Variants in CREB5 observed in about 807,000 individuals in gnomAD.
CREB5 encodes the protein cAMP responsive element binding protein 5.
In CREB5, 19 loss-of-function variants were observed where a neutral mutation model predicts 57.1. The observed-to-expected ratio is 0.33, with a 90% CI of 0.23 to 0.49. The LOEUF (loss-of-function observed/expected upper bound fraction) is 0.49, where lower values mean the gene tolerates loss of function less well. Ranked by LOEUF, CREB5 falls within the 20% of genes least tolerant of loss-of-function variation. CREB5 has a pLI of 0.99. For missense variants in CREB5, 579 were observed against 671.6 expected, an observed-to-expected ratio of 0.86 and a Z score of 1.52; for synonymous variants, 238 against 238.3, an observed-to-expected ratio of 1.00 and a Z score of 0.01.
chr7:28,719,511 A>C (rs1802894592), intron 6 of CREB5, among the ~76,000 whole-genome samples: 1 of 152,342 alleles, frequency 6.6e-6, no homozygotes, highest in Non-Finnish European at 1.5e-5. Context: ...TTTTGAACCC[A>C]GGAATTCTGG....
At chr7:28,584,762 T>C (rs1796247911) in intron 5 of CREB5, among the ~76,000 whole-genome samples, 1 of 150,442 alleles carries the variant, frequency 6.6e-6, no homozygotes, top group African/African-American at 2.4e-5. Flanking sequence ...CTATCTGCTT[T>C]GCCAACGGAA....
chr7:28,801,802 C>T (rs529323459), intron 7 of CREB5, among the ~76,000 whole-genome samples: 1 of 152,106 alleles, frequency 6.6e-6, no homozygotes, highest in African/African-American at 2.4e-5. Context: ...TAGAAGTAAA[C>T]ATGGCCGGGT....
At chr7:28,540,387 T>C in intron 4 of CREB5, among the ~76,000 whole-genome samples, 1 of 152,004 alleles carries the variant, frequency 6.6e-6, no homozygotes, top group East Asian at 1.9e-4. Flanking sequence ...AAGTTTTGAG[T>C]TAGATTGAGG....
At chr7:28,312,690 A>G (rs1364058698) in intron 1 of CREB5, among the ~76,000 whole-genome samples, 2 of 152,204 alleles carry the variant, frequency 1.3e-5, no homozygotes, top group Non-Finnish European at 1.5e-5. Flanking sequence ...TTAACGTGAA[A>G]GTGCCTGGTA....
At chr7:28,737,222 A>G (rs1335340439) in intron 7 of CREB5, among the ~76,000 whole-genome samples, 1 of 152,140 alleles carries the variant, frequency 6.6e-6, no homozygotes, top group Admixed American at 6.5e-5. Flanking sequence ...TACCTTTCAC[A>G]TAGACAGTAG....
intron 5 of CREB5, among the ~76,000 whole-genome samples, chr7:28,598,941 A>C (rs1213454538): frequency 6.6e-6 from 1 of 152,242 alleles, no homozygotes; most frequent in Admixed American, 6.5e-5. Flanking sequence ...GACTTGCAAC[A>C]GGCAAAATGA....
chr7:28,536,701 G>A (rs1399059436), intron 4 of CREB5, among the ~76,000 whole-genome samples: 1 of 152,162 alleles, frequency 6.6e-6, no homozygotes, highest in Non-Finnish European at 1.5e-5. Flanking sequence ...CTGAACATGG[G>A]TGTGGAACAT....
In CREB5 at chr7:28,318,244, A is replaced by G. The variant is rs1410128611; in HGVS notation, c.-25+18803A>G. On this transcript the variant is annotated intron_variant, in intron 1 of 9. Coordinates refer to the CREB5 transcript ENST00000396299. ...ATTCCCTCAGTTCAGATTACCACAGAGGGCTGTTCAATTTGATACATGAAT... is the reference window on the plus strand; with the variant it reads ...ATTCCCTCAGTTCAGATTACCACAGGGGGCTGTTCAATTTGATACATGAAT... 2.6e-5 allele frequency among the ~76,000 whole-genome samples: 4 copies of G among 152,314 alleles called. No individual in the cohort carries two copies. The East Asian group carries it at 5.8e-4, about 22-fold the overall frequency.
At chr7:28,466,811 C>A (rs767884905) in intron 1 of CREB5, among the ~76,000 whole-genome samples, 21 of 152,144 alleles carry the variant, frequency 1.4e-4, no homozygotes, top group Non-Finnish European at 2.6e-4. Flanking sequence ...GGCTATGATC[C>A]GGAAAATGTA....
intron 1 of CREB5, among the ~76,000 whole-genome samples, chr7:28,476,146 G>A (rs77883457): frequency 0.019 from 2,821 of 152,272 alleles, 80 homozygotes; most frequent in African/African-American, 0.06. Flanking sequence ...ACCTGTCTCC[G>A]AGGTCCTTCT....
Position 28,445,120 on chromosome 7 carries a change from A to G in CREB5, c.3+32203A>G, listed in dbSNP as rs116152917. ...ACAAAAGGGCAGTTCCCCTGCACAT[A>G]CTCTCTTGTAAGACGTTCCTTTGCT... On this transcript the variant is annotated intron_variant, in intron 1 of 10. Coordinates refer to ENST00000357727, the MANE Select transcript of CREB5 (RefSeq NM_182898.4). Among the ~76,000 whole-genome samples, 463 of 152,180 alleles carry G rather than the reference A, an allele frequency of 3.0e-3. 2 individuals carry two copies. The highest frequency in any genetic ancestry group is 0.011 in the African/African-American group (445 of 41,504).
At chr7:28,375,007 T>C (rs1786792881) in intron 1 of CREB5, among the ~76,000 whole-genome samples, 1 of 152,176 alleles carries the variant, frequency 6.6e-6, no homozygotes, top group African/African-American at 2.4e-5. Context: ...AGCAGAAGAC[T>C]GTGAAGTTAT....
chr7:28,389,619 C>T (rs894569993), intron 1 of CREB5, among the ~76,000 whole-genome samples: 3 of 143,874 alleles, frequency 2.1e-5, no homozygotes, highest in Non-Finnish European at 4.6e-5. Context: ...TTGATATTGC[C>T]AACTATACTA....
Position 28,475,483 on chromosome 7 carries a change from A to C in CREB5, c.4-12692A>C, listed in dbSNP as rs544597423. 1.6e-4 allele frequency among the ~76,000 whole-genome samples: 25 copies of C among 152,118 alleles called. No individual in the cohort carries two copies. In the East Asian group the frequency reaches 4.2e-3, roughly 26 times the overall value. On this transcript the variant is annotated intron_variant, in intron 1 of 10. Coordinates refer to ENST00000357727, the MANE Select transcript of CREB5 (RefSeq NM_182898.4). Reference sequence around the variant, plus strand: ...GGGAATAAAGGGAGAGAAAGAAAAAAAAATAAGGAAGAGTGAAAATAAGAA... The same window carrying C: ...GGGAATAAAGGGAGAGAAAGAAAAACAAATAAGGAAGAGTGAAAATAAGAA...
chr7:28,323,122 G>C (rs763885367), intron 1 of CREB5, among the ~76,000 whole-genome samples: 16 of 152,028 alleles, frequency 1.1e-4, no homozygotes, highest in Non-Finnish European at 2.1e-4. Context: ...CTGTCACTAG[G>C]AACATTAGCA....
At chr7:28,311,436 T>C (rs1785274411) in intron 1 of CREB5, among the ~76,000 whole-genome samples, 1 of 152,218 alleles carries the variant, frequency 6.6e-6, no homozygotes, top group Admixed American at 6.5e-5. Flanking sequence ...TTTGAAAACA[T>C]ATCCCCCACT....
intron 4 of CREB5, among the ~76,000 whole-genome samples, chr7:28,545,570 C>T (rs1388993694): frequency 6.6e-6 from 1 of 152,184 alleles, no homozygotes; most frequent in Non-Finnish European, 1.5e-5. Flanking sequence ...GAAGATCATC[C>T]ACACCTACCG....
At chr7:28,404,980 T>C (rs182664148) in intron 1 of CREB5, among the ~76,000 whole-genome samples, 1 of 152,296 alleles carries the variant, frequency 6.6e-6, no homozygotes, top group Non-Finnish European at 1.5e-5. Flanking sequence ...AAGAGTAAGG[T>C]TCCAGCTGCC....
chr7:28,607,776 TG>T (rs1344315253), intron 5 of CREB5, among the ~76,000 whole-genome samples: 3 of 150,152 alleles, frequency 2.0e-5, no homozygotes, highest in African/African-American at 4.9e-5. Flanking sequence ...TGTGTGTGTG[TG>T]TGTGTGTGTG....
Sources: allele counts gnomAD v4.1 joint callset (sites outside exome capture counted in the v4.1 genomes callset), GRCh38; gene constraint gnomAD v4.1.1; transcripts MANE v1.5; gene names NCBI Gene and HGNC (gene_info 2026-07-23, HGNC 2026-07-21).